MATN2: variants seen among roughly 807,000 people sequenced by gnomAD.
MATN2 encodes matrilin-2.
In MATN2, 69 loss-of-function variants were observed where a neutral mutation model predicts 103.2. The ratio of observed to expected loss-of-function variants is 0.67; its 90% CI spans 0.55 to 0.82. MATN2 has a LOEUF of 0.82. MATN2 is among the 40% of genes least tolerant of loss of function. MATN2 has a pLI of 0.00. For synonymous variants in MATN2, 429 were observed against 450.2 expected (o/e 0.95, Z 0.60); for missense variants, 1,023 against 1,211.5 (o/e 0.84, Z 2.31).
chr8:97,904,355 T>C lies in MATN2; in HGVS notation c.142+16113T>C, dbSNP rs770613121. ...GATATTTTCCTTGAATGTTAGCCAT[T>C]TGTCTACATTTTCAAATCTGTTGGC... On this transcript the variant is annotated intron_variant, in intron 2 of 18. Coordinates refer to ENST00000254898, the MANE Select transcript of MATN2 (RefSeq NM_002380.5). 6.2e-4 allele frequency among the ~76,000 whole-genome samples: 95 copies of C among 152,320 alleles called. 1 individual carries two copies. Among genetic ancestry groups the C allele is most frequent in the Non-Finnish European group, 1.2e-3 (83 of 68,036 alleles).
In MATN2 at chr8:97,982,813, TA is replaced by T. The variant is rs1211502065; in HGVS notation, c.1081+3806del. 1.3e-5 allele frequency among the ~76,000 whole-genome samples: 2 copies of T among 152,214 alleles called. No individual in the cohort carries two copies. The highest frequency in any genetic ancestry group is 4.8e-5 in the African/African-American group (2 of 41,438). On this transcript the variant is annotated intron_variant, in intron 6 of 18. Transcript: ENST00000254898. This position sits in a 1 kb window ranked among gnomAD's most constrained non-coding sequence, Gnocchi z 4.3. ...GTTAGCAAGACTTTTCTTTTTCTGG[TA>T]TTGTTATAAAACATACATAATAGAA...
intron 2 of MATN2, among the ~76,000 whole-genome samples, chr8:97,924,723 GTT>G (rs3076718): frequency 0.65 from 92,930 of 143,122 alleles, 30,433 homozygotes; most frequent in East Asian, 0.91. Flanking sequence ...ATTATTAAGT[GTT>G]TTTTTTTTTT....
At chr8:97,960,383 TCTC>T (rs1383657746) in intron 4 of MATN2, among the ~76,000 whole-genome samples, 1 of 148,194 alleles carries the variant, frequency 6.7e-6, no homozygotes, top group Admixed American at 6.6e-5. Context: ...TCCAAGCTGT[TCTC>T]CTTGCTGGGA....
At chr8:97,933,619 A>G (rs796590829) in intron 3 of MATN2, among the ~76,000 whole-genome samples, 1 of 150,326 alleles carries the variant, frequency 6.7e-6, no homozygotes, top group African/African-American at 2.4e-5. Context: ...GCAAGGCAGC[A>G]AAATGAAAAG....
intron 4 of MATN2, among the ~76,000 whole-genome samples, chr8:97,946,841 T>A (rs921005373): frequency 2.6e-5 from 4 of 152,212 alleles, no homozygotes; most frequent in Non-Finnish European, 5.9e-5. Context: ...CCAAGCTACA[T>A]AAGTGATTTA....
chr8:97,938,991 T>G (rs951495398), intron 3 of MATN2, among the ~76,000 whole-genome samples: 2 of 152,004 alleles, frequency 1.3e-5, no homozygotes, highest in Admixed American at 1.3e-4. Context: ...CGCCTCAGCC[T>G]CCCGAGTAGC....
chr8:97,967,825 C>G (rs11986425), intron 5 of MATN2, among the ~76,000 whole-genome samples: 3,162 of 152,340 alleles, frequency 0.021, 121 homozygotes, highest in African/African-American at 0.072. Context: ...TCTCACAGCT[C>G]CACTAGGCAG....
chr8:97,909,496 T>A (rs915061608), intron 2 of MATN2, among the ~76,000 whole-genome samples: 1 of 152,028 alleles, frequency 6.6e-6, no homozygotes, highest in Non-Finnish European at 1.5e-5. Context: ...TTTAGATGAG[T>A]CGGGGGAAGG....
intron 4 of MATN2, among the ~76,000 whole-genome samples, chr8:97,949,849 GTA>G (rs1238309197): frequency 6.6e-6 from 1 of 152,176 alleles, no homozygotes; most frequent in Admixed American, 6.5e-5. Flanking sequence ...GAAACATGCA[GTA>G]GCCTGGATGC....
rs759301680 is a variant in MATN2, at chr8:98,003,798, G to A, written c.1327+15G>A. On this transcript the variant is annotated intron_variant, in intron 8 of 18. Transcript: ENST00000254898. ...AACCTGCAGCCGTGAGTGTACCCTA[G>A]GGGTGGGGTGCTGATGGAAGGTGGG... 6.2e-7 allele frequency: 1 copy of A among 1,613,356 alleles called. No individual in the cohort carries two copies. The highest frequency in any genetic ancestry group is 8.5e-7 in the Non-Finnish European group (1 of 1,179,626).
chr8:97,989,597 C>T (rs1227235416), intron 6 of MATN2, among the ~76,000 whole-genome samples: 1 of 151,534 alleles, frequency 6.6e-6, no homozygotes, highest in Non-Finnish European at 1.5e-5. Context: ...AGGAATAAAA[C>T]AGAATGTCCA....
chr8:97,925,287 A>T (rs1455617797), intron 2 of MATN2, among the ~76,000 whole-genome samples: 1 of 151,982 alleles, frequency 6.6e-6, no homozygotes, highest in Non-Finnish European at 1.5e-5. Context: ...ACAGGTGCAT[A>T]CTCCTAAGTT....
chr8:98,032,838 G>A (rs1277067013), intron 16 of MATN2, among the ~76,000 whole-genome samples: 2 of 150,912 alleles, frequency 1.3e-5, no homozygotes, highest in African/African-American at 2.5e-5. Context: ...GGCTGTTTTT[G>A]TTTTGTTTTT....
chr8:97,974,015 C>T (rs182880383), intron 5 of MATN2, among the ~76,000 whole-genome samples: 44 of 152,288 alleles, frequency 2.9e-4, no homozygotes, highest in African/African-American at 1.1e-3. Context: ...TTTGTTTCAT[C>T]CATGCCTGGT....
intron 17 of MATN2, 129 bp downstream of exon 17, chr8:98,033,305 AT>A (rs1012433491): frequency 1.1e-5 from 10 of 916,132 alleles, no homozygotes; most frequent in Middle Eastern, 3.4e-4. Flanking sequence ...AGAAGAAAGA[AT>A]TTAAGTAAAA....
In MATN2 at chr8:98,025,877, T is replaced by C. The variant is rs1248230465; in HGVS notation, c.1943-1539T>C. The stretch of plus-strand genomic sequence containing the variant: ...TTTTATTTCTGCTTACTATCGACCA[T>C]CTATTAATAGTTGCCTGAGACCAGG... On this transcript the variant is annotated intron_variant, in intron 13 of 18. Coordinates refer to ENST00000254898, the MANE Select transcript of MATN2 (RefSeq NM_002380.5). 1.9e-5 allele frequency: 6 copies of C among 323,144 alleles called. No individual in the cohort carries two copies. In the East Asian group the frequency reaches 7.1e-4, roughly 38 times the overall value. 20.0% of individuals were successfully genotyped at this position (323,144 alleles called of 1,614,324 possible).
At chr8:97,870,673 T>C (rs986145985) in intron 1 of MATN2, among the ~76,000 whole-genome samples, 7 of 152,158 alleles carry the variant, frequency 4.6e-5, no homozygotes, top group African/African-American at 1.7e-4. Flanking sequence ...AAAGAGAGGC[T>C]CTCCATGGGT....
At chr8:97,888,476 G>A (rs1033761227) in intron 2 of MATN2, among the ~76,000 whole-genome samples, 1 of 152,174 alleles carries the variant, frequency 6.6e-6, no homozygotes, top group African/African-American at 2.4e-5. Context: ...GAGGCTTATG[G>A]CTTTTCTCCA....
At chr8:97,910,349 T>G (rs1045817956) in intron 2 of MATN2, among the ~76,000 whole-genome samples, 15 of 152,168 alleles carry the variant, frequency 9.9e-5, no homozygotes, top group African/African-American at 3.1e-4. Flanking sequence ...TGAGCCACCA[T>G]GCCTGGCCGA....
Sources: allele counts gnomAD v4.1 joint callset (sites outside exome capture counted in the v4.1 genomes callset), GRCh38; gene constraint gnomAD v4.1.1; non-coding constraint Gnocchi (gnomAD v3.1); transcripts MANE v1.5; gene names NCBI Gene and HGNC (gene_info 2026-07-23, HGNC 2026-07-21).